The following CSMD1 variants were observed in gnomAD, a reference collection of about 807,000 sequenced individuals.
CSMD1 encodes CUB and sushi domain-containing protein 1.
CSMD1 carries 213 observed loss-of-function variants against 417.5 expected under a neutral mutation model. The observed-to-expected ratio is 0.51, with a 90% confidence interval of 0.46 to 0.57. The LOEUF (loss-of-function observed/expected upper bound fraction) is 0.57, where lower values mean the gene tolerates loss of function less well. CSMD1 is among the 20% of genes least tolerant of loss of function. The probability of loss-of-function intolerance (pLI) is 0.00; values close to 1 mark genes in which losing one functional copy is unlikely to be tolerated. For missense variants in CSMD1, 6,923 were observed against 4,529.7 expected, an observed-to-expected ratio of 1.53 and a Z score of -15.17; for synonymous variants, 2,862 against 1,736.8, an observed-to-expected ratio of 1.65 and a Z score of -16.11.
intron 10 of CSMD1, among the ~76,000 whole-genome samples, chr8:3,495,618 G>C (rs1177044914): frequency 6.6e-6 from 1 of 152,292 alleles, no homozygotes; most frequent in Non-Finnish European, 1.5e-5. Flanking sequence ...GTCTTGCATA[G>C]ACAGCTTTTA....
At chr8:2,939,702 C>G (rs937567968) in intron 69 of CSMD1, among the ~76,000 whole-genome samples, 1 of 152,200 alleles carries the variant, frequency 6.6e-6, no homozygotes, top group East Asian at 1.9e-4. Flanking sequence ...GTTACACATG[C>G]TCATTAAGAA....
At chr8:4,913,293 A>G (rs960998156) in intron 1 of CSMD1, among the ~76,000 whole-genome samples, 1 of 152,172 alleles carries the variant, frequency 6.6e-6, no homozygotes, top group African/African-American at 2.4e-5. Context: ...TTCTATTGCT[A>G]TCCTCATTTG....
At chr8:3,468,935 A>G (rs1816932834) in intron 11 of CSMD1, 111 bp from the exon 12 acceptor site, 1 of 628,640 alleles carries the variant, frequency 1.6e-6, no homozygotes, top group South Asian at 1.9e-5. Context: ...ATATATAGGT[A>G]GCAAGACCCT....
At chr8:3,316,762 G>C (rs923632457) in intron 23 of CSMD1, among the ~76,000 whole-genome samples, 6 of 152,182 alleles carry the variant, frequency 3.9e-5, no homozygotes, top group Non-Finnish European at 5.9e-5. Context: ...CTCGGCTGCA[G>C]CACCAAGGAG....
chr8:4,007,450 C>A (rs1420301436), intron 4 of CSMD1, among the ~76,000 whole-genome samples: 1 of 152,176 alleles, frequency 6.6e-6, no homozygotes, highest in Non-Finnish European at 1.5e-5. Flanking sequence ...AGCACATCTC[C>A]CTGTCTGACT....
intron 3 of CSMD1, among the ~76,000 whole-genome samples, chr8:4,054,636 A>G (rs1053602467): frequency 1.3e-5 from 2 of 152,130 alleles, no homozygotes; most frequent in Admixed American, 1.3e-4. Flanking sequence ...TGTAAAACAC[A>G]TAGGTAATGA....
chr8:4,730,400 A>C (rs1186187558), intron 1 of CSMD1, among the ~76,000 whole-genome samples: 1 of 152,158 alleles, frequency 6.6e-6, no homozygotes, highest in Non-Finnish European at 1.5e-5. Flanking sequence ...TGGGAATAAA[A>C]AGTAGTTGAG....
chr8:3,420,615 G>A (rs536021128), intron 12 of CSMD1, among the ~76,000 whole-genome samples: 1 of 152,058 alleles, frequency 6.6e-6, no homozygotes, highest in Non-Finnish European at 1.5e-5. Flanking sequence ...AATCAAAAAT[G>A]TTAATTTGAA....
chr8:4,979,909 G>T (rs891947275), intron 1 of CSMD1, among the ~76,000 whole-genome samples: 1 of 152,008 alleles, frequency 6.6e-6, no homozygotes, highest in Admixed American at 6.6e-5. Context: ...GTGAAGGTGG[G>T]CGCCAGTACT....
intron 50 of CSMD1, among the ~76,000 whole-genome samples, chr8:3,044,176 A>C (rs1290054028): frequency 3.9e-5 from 6 of 152,222 alleles, no homozygotes; most frequent in Admixed American, 2.6e-4. Flanking sequence ...ACCATGTCAT[A>C]GTGAGCATTT....
chr8:3,143,632 G>A (rs1299025899), intron 40 of CSMD1, among the ~76,000 whole-genome samples: 1 of 152,144 alleles, frequency 6.6e-6, no homozygotes, highest in Admixed American at 6.5e-5. Context: ...ATAAGTCCAT[G>A]CAGTTAAGCT....
At chr8:4,362,013 G>GA (rs1338791493) in intron 3 of CSMD1, among the ~76,000 whole-genome samples, 2 of 152,040 alleles carry the variant, frequency 1.3e-5, no homozygotes, top group Admixed American at 1.3e-4. Flanking sequence ...CTTAGATTAA[G>GA]AAAAAGCAAG....
At chr8:4,471,479 G>C (rs748465235) in intron 2 of CSMD1, among the ~76,000 whole-genome samples, 3 of 152,100 alleles carry the variant, frequency 2.0e-5, no homozygotes, top group African/African-American at 7.2e-5. Flanking sequence ...AGATGCATGT[G>C]CCTAACAAAA....
rs1028052744 is a variant in CSMD1, at chr8:2,938,147, G to A, written c.*438C>T. ...TTTCAGAGTATTCGTGTTCATGGGG[G>A]TTTAAAAAGGAAAAACAACACAAGA... On this transcript the variant is annotated 3_prime_UTR_variant, in exon 70 of 70. Transcript: ENST00000635120. The A allele has an allele frequency of 6.4e-6, 1 of 155,180 alleles. No homozygotes were observed. The highest frequency in any genetic ancestry group is 6.5e-5 in the Admixed American group (1 of 15,360). 9.6% of individuals were successfully genotyped at this position (155,180 alleles called of 1,614,324 possible). A position where few individuals can be genotyped will look rare whatever the true frequency, so the allele number is the denominator to read the frequency against.
chr8:3,273,456 T>C (rs1802029414), intron 26 of CSMD1, among the ~76,000 whole-genome samples: 1 of 150,590 alleles, frequency 6.6e-6, no homozygotes, highest in Admixed American at 6.7e-5. Flanking sequence ...TAAAATGAGT[T>C]AGGGAGGATT....
intron 5 of CSMD1, among the ~76,000 whole-genome samples, chr8:3,944,079 A>G (rs750212217): frequency 6.6e-6 from 1 of 152,180 alleles, no homozygotes; most frequent in African/African-American, 2.4e-5. Context: ...CAAGAAAAAT[A>G]TACAGTGAGA....
chr8:3,264,078 C>A (rs1376673195), intron 26 of CSMD1, among the ~76,000 whole-genome samples: 1 of 151,980 alleles, frequency 6.6e-6, no homozygotes, highest in South Asian at 2.1e-4. Flanking sequence ...AACTTTATTT[C>A]CCAGAGATCC....
intron 2 of CSMD1, among the ~76,000 whole-genome samples, chr8:4,599,039 T>C (rs1265177442): frequency 1.3e-5 from 2 of 152,214 alleles, no homozygotes; most frequent in Non-Finnish European, 2.9e-5. Flanking sequence ...ACTCTTTACT[T>C]ATTTCTAAAG....
chr8:4,367,080 T>C (rs1802117686), intron 3 of CSMD1, among the ~76,000 whole-genome samples: 1 of 152,232 alleles, frequency 6.6e-6, no homozygotes, highest in African/African-American at 2.4e-5. Flanking sequence ...TTATTTTTAT[T>C]GCAATTGCTT....
Sources: gnomAD v4.1 joint callset for allele counts (sites outside exome capture counted in the v4.1 genomes callset) on GRCh38, gnomAD v4.1.1 for gene constraint, MANE v1.5 for transcripts, NCBI Gene and HGNC (gene_info 2026-07-23, HGNC 2026-07-21) for gene names.